CFAP90: variants seen among roughly 807,000 people sequenced by gnomAD.
The protein encoded by CFAP90 is cilia- and flagella-associated protein 90.
At chr5:7,831,930 G>GGAA in the CFAP90 span, 1 of 1,614,172 alleles carries the variant, frequency 6.2e-7, no homozygotes, top group Non-Finnish European at 8.5e-7. Context: ...GCCTGCACAT[G>GGAA]GTTGGCACGG....
chr5:7,842,538 C>T, the CFAP90 span, among the ~76,000 whole-genome samples: 1 of 151,938 alleles, frequency 6.6e-6, no homozygotes, highest in African/African-American at 2.4e-5. Context: ...TCCAAACCCT[C>T]TCTCCCCACT....
At chr5:7,843,214 T>C in the CFAP90 span, among the ~76,000 whole-genome samples, 3 of 152,234 alleles carry the variant, frequency 2.0e-5, no homozygotes, top group Non-Finnish European at 4.4e-5. Flanking sequence ...GAGCATCTCC[T>C]TGGAGGTTTG....
chr5:7,849,698 A>T, the CFAP90 span, among the ~76,000 whole-genome samples: 27 of 152,140 alleles, frequency 1.8e-4, no homozygotes, highest in Non-Finnish European at 3.5e-4. Flanking sequence ...AGACTCGCAG[A>T]TCCCATCCCA....
At chr5:7,830,475 C>A in the CFAP90 span, 1 of 151,976 alleles carries the variant, frequency 6.6e-6, no homozygotes, top group Non-Finnish European at 1.5e-5. Flanking sequence ...TTTCTATAAC[C>A]CAAACTTTAT....
the CFAP90 span, among the ~76,000 whole-genome samples, chr5:7,841,140 A>G: frequency 2.0e-5 from 3 of 152,200 alleles, no homozygotes; most frequent in Admixed American, 2.0e-4. Context: ...CAAATTTACA[A>G]GAAAAAAAAA....
At chr5:7,843,004 T>A in the CFAP90 span, among the ~76,000 whole-genome samples, 1 of 152,202 alleles carries the variant, frequency 6.6e-6, no homozygotes, top group African/African-American at 2.4e-5. Flanking sequence ...CCTTGTCTAA[T>A]ATGCTAATCA....
the CFAP90 span, among the ~76,000 whole-genome samples, chr5:7,850,123 C>T: frequency 6.6e-6 from 1 of 152,154 alleles, no homozygotes; most frequent in Non-Finnish European, 1.5e-5. Flanking sequence ...AGCTAAGACA[C>T]CCATTCGCGC....
the CFAP90 span, among the ~76,000 whole-genome samples, chr5:7,838,601 T>G: frequency 6.6e-6 from 1 of 152,348 alleles, no homozygotes; most frequent in African/African-American, 2.4e-5. Context: ...TAGCTTGATC[T>G]CCATCACCCC....
chr5:7,843,121 A>C, the CFAP90 span, among the ~76,000 whole-genome samples: 70,777 of 151,996 alleles, frequency 0.47, 17,896 homozygotes, highest in African/African-American at 0.65. Flanking sequence ...AAACAACCTA[A>C]TTTTAAAACT....
At chr5:7,840,356 C>A in the CFAP90 span, among the ~76,000 whole-genome samples, 4 of 152,186 alleles carry the variant, frequency 2.6e-5, no homozygotes, top group Non-Finnish European at 4.4e-5. Context: ...CAGTTTTCAA[C>A]CTCCACAGCA....
At chr5:7,849,590 A>G in the CFAP90 span, among the ~76,000 whole-genome samples, 1 of 152,128 alleles carries the variant, frequency 6.6e-6, no homozygotes, top group South Asian at 2.1e-4. Flanking sequence ...AACAATGGTG[A>G]GAAGAAAGGA....
the CFAP90 span, among the ~76,000 whole-genome samples, chr5:7,835,928 A>G: frequency 6.6e-6 from 1 of 152,176 alleles, no homozygotes; most frequent in African/African-American, 2.4e-5. Flanking sequence ...ACAGTCCTGG[A>G]GGCTGCGAAG....
At chr5:7,849,180 T>C in the CFAP90 span, among the ~76,000 whole-genome samples, 1 of 152,300 alleles carries the variant, frequency 6.6e-6, no homozygotes, top group South Asian at 2.1e-4. Context: ...GGGGACACAA[T>C]TCAACCGACA....
the CFAP90 span, among the ~76,000 whole-genome samples, chr5:7,834,952 AAC>A: frequency 2.0e-5 from 3 of 151,358 alleles, no homozygotes; most frequent in African/African-American, 2.4e-5. Context: ...CCCCGCACCA[AAC>A]ACACACACAC....
the CFAP90 span, among the ~76,000 whole-genome samples, chr5:7,845,728 T>C: frequency 6.6e-6 from 1 of 152,116 alleles, no homozygotes; most frequent in Non-Finnish European, 1.5e-5. Flanking sequence ...CCATATTTTA[T>C]GGGCAAAGCC....
At chr5:7,831,737 A>G in the CFAP90 span, 1 of 1,050,704 alleles carries the variant, frequency 9.5e-7, no homozygotes, top group Admixed American at 2.2e-5. Flanking sequence ...AGGCATAGCC[A>G]AGCTCCTAGG....
chr5:7,840,094 C>G, the CFAP90 span, among the ~76,000 whole-genome samples: 1 of 152,244 alleles, frequency 6.6e-6, no homozygotes, highest in South Asian at 2.1e-4. Flanking sequence ...ATTAAAATCC[C>G]TCAAGGAATT....
chr5:7,834,515 G>A, the CFAP90 span, among the ~76,000 whole-genome samples: 11 of 152,032 alleles, frequency 7.2e-5, no homozygotes, highest in Non-Finnish European at 1.6e-4. Context: ...TAGCCAAAGT[G>A]TACAGTGCTT....
chr5:7,850,784 C>G, the CFAP90 span: 1 of 1,097,342 alleles, frequency 9.1e-7, no homozygotes, highest in Non-Finnish European at 1.1e-6. Flanking sequence ...CCGCCCGCCC[C>G]TGCCCAGCCG....
Sources: allele counts gnomAD v4.1 joint callset (sites outside exome capture counted in the v4.1 genomes callset), GRCh38; gene constraint gnomAD v4.1.1; transcripts MANE v1.5; gene names NCBI Gene and HGNC (gene_info 2026-07-23, HGNC 2026-07-21).